CDH12: variants seen among roughly 807,000 people sequenced by gnomAD.
The protein encoded by CDH12 is cadherin 12.
Under a neutral mutation model 74.1 loss-of-function variants are expected in CDH12, and 41 were observed. The observed-to-expected ratio is 0.55, with a 90% confidence interval of 0.43 to 0.72. The LOEUF (loss-of-function observed/expected upper bound fraction) is 0.72, where lower values mean the gene tolerates loss of function less well. Ranked by LOEUF, CDH12 falls within the 30% of genes least tolerant of loss-of-function variation. The pLI is 0.00. For missense variants in CDH12, 945 were observed against 977.2 expected, an observed-to-expected ratio of 0.97 and a Z score of 0.44; for synonymous variants, 399 against 355.0, an observed-to-expected ratio of 1.12 and a Z score of -1.39.
intron 2 of CDH12, among the ~76,000 whole-genome samples, chr5:22,449,515 CA>C (rs1744960259): frequency 6.6e-6 from 1 of 152,032 alleles, no homozygotes; most frequent in African/African-American, 2.4e-5. Flanking sequence ...TAGATGTCTA[CA>C]GACTCCTTAC....
chr5:22,203,976 C>T (rs1410863696), intron 4 of CDH12, among the ~76,000 whole-genome samples: 1 of 151,982 alleles, frequency 6.6e-6, no homozygotes. Context: ...GGGATTACAT[C>T]AAAATAAAAA....
intron 1 of CDH12, among the ~76,000 whole-genome samples, chr5:22,831,761 G>A (rs898414480): frequency 8.6e-5 from 13 of 152,018 alleles, no homozygotes; most frequent in South Asian, 2.1e-4. Flanking sequence ...AGCTGGGCGC[G>A]GTGGCGAGCG....
At chr5:22,528,259 T>A (rs2126697585) in intron 1 of CDH12, among the ~76,000 whole-genome samples, 1 of 152,206 alleles carries the variant, frequency 6.6e-6, no homozygotes, top group East Asian at 1.9e-4. Flanking sequence ...AGCAGAGAGG[T>A]CACTTCCACT....
rs147755625 is a variant in CDH12 at position 22,375,901 on chromosome 5, A to C, written c.-333+29356T>G. ...ACAGCCACTATGGAAAACAGTATGG[A>C]GATTTCTCAAAAAACTAAAAATAAA... On this transcript the variant is annotated intron_variant, in intron 3 of 14. Transcript: ENST00000382254. 1.7e-3 allele frequency among the ~76,000 whole-genome samples: 262 copies of C among 152,286 alleles called. 3 individuals are homozygous for C. Among genetic ancestry groups the C allele is most frequent in the African/African-American group, 5.8e-3 (241 of 41,570 alleles).
At chr5:22,458,296 A>G (rs1196630192) in intron 2 of CDH12, among the ~76,000 whole-genome samples, 1 of 152,098 alleles carries the variant, frequency 6.6e-6, no homozygotes, top group Non-Finnish European at 1.5e-5. Flanking sequence ...ATTTTTGCAT[A>G]TCTCTGTCCT....
intron 6 of CDH12, among the ~76,000 whole-genome samples, chr5:21,932,336 T>C (rs949400638): frequency 7.9e-5 from 12 of 152,188 alleles, no homozygotes; most frequent in African/African-American, 2.7e-4. Context: ...AAAAATGAAA[T>C]AAGAATTAAT....
intron 1 of CDH12, among the ~76,000 whole-genome samples, chr5:22,512,265 TAA>T (rs1027809900): frequency 6.6e-5 from 10 of 152,150 alleles, no homozygotes; most frequent in African/African-American, 2.4e-4. Context: ...ATTTTATCAG[TAA>T]AGAGGATATA....
At chr5:21,836,388 C>A (rs190647832) in intron 8 of CDH12, among the ~76,000 whole-genome samples, 1 of 150,480 alleles carries the variant, frequency 6.6e-6, no homozygotes, top group African/African-American at 2.4e-5. Context: ...CGATTATTGA[C>A]GTACTATTTT....
At chr5:21,854,553 C>A (rs971163375) in intron 7 of CDH12, 118 bp downstream of exon 7, 4 of 683,186 alleles carry the variant, frequency 5.9e-6, no homozygotes, top group East Asian at 2.8e-5. Context: ...TTGCTTAATG[C>A]GCATCGCACT....
At chr5:22,019,173 C>T (rs1035411366) in intron 5 of CDH12, among the ~76,000 whole-genome samples, 17 of 152,130 alleles carry the variant, frequency 1.1e-4, no homozygotes, top group African/African-American at 3.1e-4. Flanking sequence ...CTATCTATGG[C>T]CTGGCCTGTC....
intron 2 of CDH12, among the ~76,000 whole-genome samples, chr5:22,458,534 TTGAA>T (rs1745381111): frequency 6.6e-6 from 1 of 152,160 alleles, no homozygotes; most frequent in Non-Finnish European, 1.5e-5. Context: ...AAATACTTCT[TTGAA>T]TGTACCATAC....
At chr5:22,649,143 A>G (rs1302490761) in intron 1 of CDH12, among the ~76,000 whole-genome samples, 2 of 152,014 alleles carry the variant, frequency 1.3e-5, no homozygotes, top group African/African-American at 4.8e-5. Flanking sequence ...AAGGTCTTGG[A>G]TGTGAAGTCT....
At chr5:22,655,643 T>C (rs1739995324) in intron 1 of CDH12, among the ~76,000 whole-genome samples, 1 of 152,212 alleles carries the variant, frequency 6.6e-6, no homozygotes, top group Non-Finnish European at 1.5e-5. Context: ...GGTTACATGA[T>C]CACCATGATC....
At chr5:21,825,152 C>CAAAAAAA (rs34483269) in intron 8 of CDH12, among the ~76,000 whole-genome samples, 1 of 122,136 alleles carries the variant, frequency 8.2e-6, no homozygotes. Context: ...GACTCTATCT[C>CAAAAAAA]AAAAAAAAAA....
chr5:22,800,394 A>AG (rs1748448272), intron 1 of CDH12, among the ~76,000 whole-genome samples: 1 of 152,130 alleles, frequency 6.6e-6, no homozygotes, highest in South Asian at 2.1e-4. Flanking sequence ...TATAATAGAT[A>AG]TTTTTTAGGG....
rs116731472 is a variant in CDH12 at position 21,895,868 on chromosome 5, C to G, written c.527-41078G>C. 1.3e-3 allele frequency among the ~76,000 whole-genome samples: 197 copies of G among 152,254 alleles called. 1 individual carries two copies. Among genetic ancestry groups the G allele is most frequent in the African/African-American group, 4.6e-3 (190 of 41,550 alleles). Reference sequence around the variant, plus strand: ...CCCCCAGGCCTGGAAGCAAACACAGCCTGGGAGCCCACTCTAGCATTGGGT... The same window carrying G: ...CCCCCAGGCCTGGAAGCAAACACAGGCTGGGAGCCCACTCTAGCATTGGGT... On this transcript the variant is annotated intron_variant, in intron 6 of 14. Coordinates refer to ENST00000382254, the MANE Select transcript of CDH12 (RefSeq NM_004061.5).
chr5:22,659,009 C>T (rs1740211278), intron 1 of CDH12, among the ~76,000 whole-genome samples: 1 of 152,034 alleles, frequency 6.6e-6, no homozygotes, highest in South Asian at 2.1e-4. Context: ...ATTTATCTAG[C>T]TGTTTTAGTA....
intron 4 of CDH12, among the ~76,000 whole-genome samples, chr5:22,120,135 CTG>C (rs1745419008): frequency 1.3e-5 from 2 of 152,202 alleles, no homozygotes; most frequent in Admixed American, 1.3e-4. Flanking sequence ...TTTTTGGTAA[CTG>C]AAACTCCCAG....
intron 5 of CDH12, among the ~76,000 whole-genome samples, chr5:22,009,850 T>G (rs976987330): frequency 3.4e-5 from 5 of 147,328 alleles, no homozygotes; most frequent in African/African-American, 1.3e-4. Context: ...TGGTGGCGGT[T>G]GCCTGTAATT....
Sources: gnomAD v4.1 joint callset for allele counts (sites outside exome capture counted in the v4.1 genomes callset) on GRCh38, gnomAD v4.1.1 for gene constraint, MANE v1.5 for transcripts, NCBI Gene and HGNC (gene_info 2026-07-23, HGNC 2026-07-21) for gene names.